Variants in POLR1D observed in about 807,000 individuals in gnomAD.
The protein encoded by POLR1D is DNA-directed RNA polymerases I and III subunit RPAC2.
In POLR1D, 8 loss-of-function variants were observed where a neutral mutation model predicts 10.8. The ratio of observed to expected loss-of-function variants is 0.74; its 90% confidence interval spans 0.43 to 1.33. POLR1D has a LOEUF of 1.33. Among genes scored for constraint, POLR1D ranks in the 40% most tolerant of loss-of-function variants. The probability of loss-of-function intolerance (pLI) is 0.01; values close to 1 mark genes in which losing one functional copy is unlikely to be tolerated. For missense variants in POLR1D, 152 were observed against 161.7 expected, an observed-to-expected ratio of 0.94 and a Z score of 0.32; for synonymous variants, 54 against 57.2, an observed-to-expected ratio of 0.94 and a Z score of 0.25.
chr13:27,657,086 C>T (rs1956314925), intron 2 of POLR1D, among the ~76,000 whole-genome samples: 1 of 152,196 alleles, frequency 6.6e-6, no homozygotes, highest in Non-Finnish European at 1.5e-5. Flanking sequence ...ACAGTGAGCA[C>T]TAAGGGGAGC....
chr13:27,638,633 C>G (rs1251434707), intron 1 of POLR1D, among the ~76,000 whole-genome samples: 4 of 152,104 alleles, frequency 2.6e-5, no homozygotes, highest in African/African-American at 9.7e-5. Context: ...TGTTTTCTAG[C>G]AGATTACTGT....
intron 1 of POLR1D, among the ~76,000 whole-genome samples, chr13:27,633,257 A>G (rs1454838088): frequency 6.6e-6 from 1 of 152,232 alleles, no homozygotes; most frequent in Non-Finnish European, 1.5e-5. Context: ...ATAAGAAGGC[A>G]GGGCTTTGTA....
chr13:27,665,870 C>T (rs144660500), exon 3 of POLR1D: 2 of 1,614,070 alleles, frequency 1.2e-6, no homozygotes, highest in Non-Finnish European at 1.7e-6. Context: ...GCACAGCTTC[C>T]GCGCTCGAGG....
intron 1 of POLR1D, among the ~76,000 whole-genome samples, chr13:27,645,046 G>A (rs1956206540): frequency 6.6e-6 from 1 of 152,198 alleles, no homozygotes; most frequent in African/African-American, 2.4e-5. Flanking sequence ...TTAAGGTTGG[G>A]ATACTTGATT....
downstream of POLR1D, among the ~76,000 whole-genome samples, chr13:27,625,952 T>A (rs1956004588): frequency 6.6e-6 from 1 of 152,144 alleles, no homozygotes; most frequent in Non-Finnish European, 1.5e-5. Flanking sequence ...TGGCTTAGTT[T>A]GGTTTTCCAA....
rs554922597 is a variant in POLR1D, at chr13:27,637,540, G to A, written c.27-10839G>A. Among the ~76,000 whole-genome samples, 43 of 152,278 alleles carry A rather than the reference G, an allele frequency of 2.8e-4. 1 individual carries two copies. Among genetic ancestry groups the A allele is most frequent in the Middle Eastern group, 6.8e-3 (2 of 294 alleles). On this transcript the variant is annotated intron_variant, in intron 1 of 2. Transcript: ENST00000399697. Reference sequence around the variant, plus strand: ...TTATAAACATTTTCCTTAAAGGGATGCTGCTCTCAAAGTTAGGTTTATGTG... The same window carrying A: ...TTATAAACATTTTCCTTAAAGGGATACTGCTCTCAAAGTTAGGTTTATGTG...
upstream of POLR1D, chr13:27,620,888 A>G (rs1338978470): frequency 2.6e-5 from 4 of 151,586 alleles, no homozygotes; most frequent in African/African-American, 9.7e-5. Context: ...AGGAGTGAAC[A>G]TCCAGAGGAA....
chr13:27,651,009 A>G (rs1018635353), intron 2 of POLR1D: 1 of 152,196 alleles, frequency 6.6e-6, no homozygotes, highest in African/African-American at 2.4e-5. Context: ...AATATATTAG[A>G]AGGATTATAG....
chr13:27,666,849 A>G (rs1220527304), exon 3 of POLR1D: 2 of 152,014 alleles, frequency 1.3e-5, no homozygotes, highest in African/African-American at 4.8e-5. Context: ...TTCCTTCTTT[A>G]TACTCAGGAA....
chr13:27,639,991 T>C (rs1028834215), intron 1 of POLR1D, among the ~76,000 whole-genome samples: 4 of 152,180 alleles, frequency 2.6e-5, no homozygotes, highest in African/African-American at 4.8e-5. Flanking sequence ...TCCCAGGCCG[T>C]ATCATTTATC....
At chr13:27,646,898 A>G (rs770783742) in intron 1 of POLR1D, among the ~76,000 whole-genome samples, 6 of 152,212 alleles carry the variant, frequency 3.9e-5, no homozygotes, top group Non-Finnish European at 8.8e-5. Flanking sequence ...ATAAAAATCA[A>G]CATGAAATAA....
downstream of POLR1D, chr13:27,623,533 G>A: frequency 2.6e-6 from 1 of 384,518 alleles, no homozygotes; most frequent in South Asian, 2.7e-5. Flanking sequence ...TTGAAAATGA[G>A]GAAACTGAGA....
chr13:27,625,920 T>C (rs935018103), downstream of POLR1D, among the ~76,000 whole-genome samples: 1 of 152,144 alleles, frequency 6.6e-6, no homozygotes, highest in African/African-American at 2.4e-5. Context: ...GAGTAAACAT[T>C]ACCACTCATT....
chr13:27,636,369 A>T (rs1956124419), intron 1 of POLR1D, among the ~76,000 whole-genome samples: 1 of 152,188 alleles, frequency 6.6e-6, no homozygotes, highest in Admixed American at 6.5e-5. Flanking sequence ...GTTAAACCAG[A>T]TGGCCTCTAA....
At chr13:27,643,949 T>G (rs2138549746) in intron 1 of POLR1D, among the ~76,000 whole-genome samples, 1 of 152,314 alleles carries the variant, frequency 6.6e-6, no homozygotes, top group East Asian at 1.9e-4. Flanking sequence ...TATTGCCTTT[T>G]TTGAACCTGT....
chr13:27,629,998 G>A (rs1393399899), intron 1 of POLR1D, among the ~76,000 whole-genome samples: 2 of 152,090 alleles, frequency 1.3e-5, no homozygotes, highest in South Asian at 2.1e-4. Context: ...TGCAACCTCC[G>A]CCTCCTGGGT....
At chr13:27,636,589 A>G (rs547150808) in intron 1 of POLR1D, among the ~76,000 whole-genome samples, 1 of 152,318 alleles carries the variant, frequency 6.6e-6, no homozygotes, top group Non-Finnish European at 1.5e-5. Context: ...AGAATTGTAA[A>G]TTTAGGGGTC....
Position 27,623,085 on chromosome 13 carries a change from A to G in POLR1D, c.237A>G (p.Lys79=). The change falls in exon 2 of 2, where the codon AAA becomes AAG. Residue 79 remains lysine, a synonymous_variant. Transcript: ENST00000302979. ...GYTTTHPSES[K]INLRIQTRGT... ...CTACGACCCATCCTTCAGAGAGCAA[A>G]ATTAATTTACGCATTCAGACTCGAG... 1 of 1,614,142 alleles carries G rather than the reference A, an allele frequency of 6.2e-7. No individual in the cohort carries two copies. Among genetic ancestry groups the G allele is most frequent in the Admixed American group, 1.7e-5 (1 of 60,018 alleles).
chr13:27,641,652 T>C (rs1956174260), intron 1 of POLR1D, among the ~76,000 whole-genome samples: 1 of 152,234 alleles, frequency 6.6e-6, no homozygotes, highest in African/African-American at 2.4e-5. Flanking sequence ...AACTTTTACA[T>C]GTTTGGAAAT....
Sources: allele counts gnomAD v4.1 joint callset (sites outside exome capture counted in the v4.1 genomes callset), GRCh38; gene constraint gnomAD v4.1.1; transcripts MANE v1.5; gene names NCBI Gene and HGNC (gene_info 2026-07-23, HGNC 2026-07-21).